CTNND2: variants seen among roughly 807,000 people sequenced by gnomAD.
The protein encoded by CTNND2 is catenin delta 2.
CTNND2 carries 22 observed loss-of-function variants against 144.4 expected under a neutral mutation model. The observed-to-expected ratio is 0.15, with a 90% confidence interval of 0.11 to 0.22. The LOEUF (loss-of-function observed/expected upper bound fraction) is 0.22, where lower values mean the gene tolerates loss of function less well. Among genes scored for constraint, CTNND2 ranks in the 10% least tolerant of loss-of-function variants. CTNND2 has a pLI of 1.00. For synonymous variants in CTNND2, 751 were observed against 695.6 expected (o/e 1.08, Z -1.25); for missense variants, 1,353 against 1,618.8 (o/e 0.84, Z 2.82).
At chr5:11,009,852 C>T (rs1350332248) in intron 18 of CTNND2, among the ~76,000 whole-genome samples, 2 of 146,018 alleles carry the variant, frequency 1.4e-5, no homozygotes, top group African/African-American at 5.2e-5. Flanking sequence ...CTTCTTTTCC[C>T]ATTTGTGCCT....
At chr5:11,584,430 G>A (rs568357333) in intron 2 of CTNND2, among the ~76,000 whole-genome samples, 3 of 145,840 alleles carry the variant, frequency 2.1e-5, no homozygotes, top group African/African-American at 7.5e-5. Context: ...TTTTTTGGGG[G>A]GGGGGAGGAG....
intron 2 of CTNND2, among the ~76,000 whole-genome samples, chr5:11,568,159 T>A (rs150046759): frequency 5.9e-5 from 9 of 152,248 alleles, no homozygotes; most frequent in Non-Finnish European, 1.0e-4. Flanking sequence ...CCAGGCACAG[T>A]TTCCTCACAT....
intron 3 of CTNND2, among the ~76,000 whole-genome samples, chr5:11,495,440 C>A (rs992349121): frequency 3.3e-5 from 5 of 152,144 alleles, no homozygotes; most frequent in African/African-American, 1.2e-4. Flanking sequence ...CCAAAATGCA[C>A]CTGTAGCCTA....
chr5:11,311,239 C>A (rs1228352640), intron 9 of CTNND2, among the ~76,000 whole-genome samples: 6 of 148,810 alleles, frequency 4.0e-5, no homozygotes, highest in African/African-American at 1.5e-4. Context: ...GCACCCTCAA[C>A]CCACACATAC....
In CTNND2 at chr5:11,283,673, CAAAAAAAAAAAAAA is replaced by C. The variant is rs70947250; in HGVS notation, c.1629-46864_1629-46851del. On this transcript the variant is annotated intron_variant, in intron 9 of 21. Transcript: ENST00000304623. ...TGGGTGAAAGAGTGAGACTCCGTCT[CAAAAAAAAAAAAAA>C]AAAAAAAAAAAAAAAAAAAGAGAGA... is the stretch of plus-strand genomic sequence containing the variant. Among the ~76,000 whole-genome samples the C allele has an allele frequency of 1.7e-3, 55 of 31,608 alleles. No individual in the cohort carries two copies. The East Asian group carries it at 0.029, about 16-fold the overall frequency. 20.7% of individuals were successfully genotyped at this position (31,608 alleles called of 152,430 possible). A position where few individuals can be genotyped will look rare whatever the true frequency, so the allele number is the denominator to read the frequency against.
Position 11,688,171 on chromosome 5 carries a change from G to T in CTNND2, c.174+43965C>A, listed in dbSNP as rs1156974395. Among the ~76,000 whole-genome samples, 4 of 152,188 alleles carry T rather than the reference G, an allele frequency of 2.6e-5. No homozygotes were observed. In the South Asian group the frequency reaches 6.2e-4, roughly 24 times the overall value. On this transcript the variant is annotated intron_variant, in intron 2 of 21. Coordinates refer to ENST00000304623, the MANE Select transcript of CTNND2 (RefSeq NM_001332.4). ...CCACTGGCTATTACTACTTATTAAC[G>T]TTTCTGGGAAGTTTCAAGCCAATCT... is the stretch of plus-strand genomic sequence containing the variant.
intron 6 of CTNND2, among the ~76,000 whole-genome samples, chr5:11,394,438 T>C (rs1040604019): frequency 6.6e-6 from 1 of 152,120 alleles, no homozygotes; most frequent in Non-Finnish European, 1.5e-5. Context: ...ACACAACTTA[T>C]TTAGAGGCTG....
chr5:11,734,762 G>A (rs1787586417), intron 1 of CTNND2, among the ~76,000 whole-genome samples: 1 of 152,104 alleles, frequency 6.6e-6, no homozygotes, highest in South Asian at 2.1e-4. Context: ...CGTATGTCTA[G>A]TTAATAATTT....
intron 2 of CTNND2, among the ~76,000 whole-genome samples, chr5:11,691,826 G>C (rs1053121472): frequency 6.6e-6 from 1 of 152,196 alleles, no homozygotes; most frequent in Non-Finnish European, 1.5e-5. Flanking sequence ...AGGAGTTACA[G>C]GCTGCAGTAA....
At chr5:11,807,598 G>GA (rs1792076404) in intron 1 of CTNND2, among the ~76,000 whole-genome samples, 1 of 152,056 alleles carries the variant, frequency 6.6e-6, no homozygotes, top group Non-Finnish European at 1.5e-5. Context: ...TGGCAATCTG[G>GA]AAAAAATGTA....
chr5:11,505,059 G>A (rs1334058990), intron 3 of CTNND2, among the ~76,000 whole-genome samples: 2 of 152,108 alleles, frequency 1.3e-5, no homozygotes, highest in Admixed American at 6.5e-5. Context: ...GCGGGCATGA[G>A]TCATAGCATG....
intron 12 of CTNND2, among the ~76,000 whole-genome samples, chr5:11,155,408 C>A (rs539123733): frequency 1.3e-5 from 2 of 152,328 alleles, no homozygotes; most frequent in Admixed American, 6.5e-5. Flanking sequence ...GCCTCTCCAA[C>A]ATTTTGCCAC....
At chr5:11,890,253 C>G (rs1320533981) in intron 1 of CTNND2, among the ~76,000 whole-genome samples, 1 of 152,088 alleles carries the variant, frequency 6.6e-6, no homozygotes, top group Admixed American at 6.6e-5. Context: ...AAATCATGAA[C>G]CAAAAGTATA....
At chr5:11,182,358 C>T (rs1329930260) in intron 11 of CTNND2, among the ~76,000 whole-genome samples, 1 of 151,872 alleles carries the variant, frequency 6.6e-6, no homozygotes, top group Non-Finnish European at 1.5e-5. Flanking sequence ...CACCCACCTT[C>T]GTGTGCACAT....
chr5:11,203,545 C>T (rs1737720556), intron 10 of CTNND2, among the ~76,000 whole-genome samples: 1 of 152,106 alleles, frequency 6.6e-6, no homozygotes, highest in Non-Finnish European at 1.5e-5. Context: ...AGGGTTCAAG[C>T]GATTCGCTTA....
intron 3 of CTNND2, among the ~76,000 whole-genome samples, chr5:11,556,944 A>G (rs538582342): frequency 6.6e-6 from 1 of 152,322 alleles, no homozygotes; most frequent in East Asian, 1.9e-4. Context: ...CTTATTCTAT[A>G]GTAAACCATC....
At chr5:11,300,517 C>A (rs1339090799) in intron 9 of CTNND2, among the ~76,000 whole-genome samples, 1 of 152,130 alleles carries the variant, frequency 6.6e-6, no homozygotes, top group South Asian at 2.1e-4. Context: ...AGGCCTGGGG[C>A]CCCAGTGACT....
intron 16 of CTNND2, among the ~76,000 whole-genome samples, chr5:11,056,887 T>G (rs533161924): frequency 2.6e-5 from 4 of 152,364 alleles, no homozygotes; most frequent in African/African-American, 7.2e-5. Context: ...TCAGGCCGCA[T>G]GCCAGAGACT....
chr5:11,786,970 G>A (rs1281992730), intron 1 of CTNND2, among the ~76,000 whole-genome samples: 1 of 152,178 alleles, frequency 6.6e-6, no homozygotes, highest in Non-Finnish European at 1.5e-5. Context: ...CCGCAAACAT[G>A]CAAAATTGTT....
Sources: allele counts gnomAD v4.1 joint callset (sites outside exome capture counted in the v4.1 genomes callset), GRCh38; gene constraint gnomAD v4.1.1; transcripts MANE v1.5; gene names NCBI Gene and HGNC (gene_info 2026-07-23, HGNC 2026-07-21).